Variants in CD58 observed in about 807,000 individuals in gnomAD.
CD58 encodes the protein CD58 molecule.
CD58 carries 14 observed loss-of-function variants against 27.6 expected under a neutral mutation model. The ratio of observed to expected loss-of-function variants is 0.51; its 90% CI spans 0.34 to 0.79. The LOEUF (loss-of-function observed/expected upper bound fraction) is 0.79. Among genes scored for constraint, CD58 ranks in the 30% least tolerant of loss-of-function variants. The probability of loss-of-function intolerance (pLI) is 0.02; values close to 1 mark genes in which losing one functional copy is unlikely to be tolerated. For missense variants in CD58, 268 were observed against 301.7 expected, an observed-to-expected ratio of 0.89 and a Z score of 0.83; for synonymous variants, 117 against 103.8, an observed-to-expected ratio of 1.13 and a Z score of -0.77.
At chr1:116,569,457 A>G (rs1345586453) in intron 1 of CD58, among the ~76,000 whole-genome samples, 1 of 152,076 alleles carries the variant, frequency 6.6e-6, no homozygotes, top group East Asian at 1.9e-4. Context: ...ATCTTTTCCC[A>G]CATTATCACA....
At chr1:116,569,281 T>C (rs571607590) in intron 1 of CD58, among the ~76,000 whole-genome samples, 2 of 152,324 alleles carry the variant, frequency 1.3e-5, no homozygotes, top group South Asian at 4.1e-4. Flanking sequence ...GTGATGGTAG[T>C]CCACCCTGGC....
rs2101246014 is a variant in CD58 at position 116,570,737 on chromosome 1, T to A, written c.70+166A>T. On this transcript the variant is annotated intron_variant, in intron 1 of 5. Transcript: ENST00000369489. This position sits in a 1 kb window ranked among gnomAD's most constrained non-coding sequence, Gnocchi z 6.4. ...GACACTGGCGATGAAATAACAACTT[T>A]CTCTTCCTGAAAAGGCTCCCACGGC... 6.6e-6 allele frequency among the ~76,000 whole-genome samples: 1 copy of A among 151,998 alleles called. No homozygotes were observed. The highest frequency in any genetic ancestry group is 1.5e-5 in the Non-Finnish European group (1 of 67,952).
chr1:116,533,118 C>T (rs749913860), intron 3 of CD58: 6 of 750,292 alleles, frequency 8.0e-6, no homozygotes, highest in South Asian at 2.8e-5. Flanking sequence ...GGTCCGCTCA[C>T]GGAAAAAGTG....
Position 116,570,985 on chromosome 1 carries a change from C to A in CD58, c.-13G>T, listed in dbSNP as rs1659127639. 6.5e-7 allele frequency: 1 copy of A among 1,539,996 alleles called. No homozygotes were observed. Among genetic ancestry groups the A allele is most frequent in the Non-Finnish European group, 8.7e-7 (1 of 1,149,946 alleles). ...TCCCAGCAACCATGGCTCGTCGGGC[C>A]GGCCTCTGCGCGAGTGCCCAGCCAC... On this transcript the variant is annotated 5_prime_UTR_variant, in exon 1 of 6. Transcript: ENST00000369489. This position sits in a 1 kb window ranked among gnomAD's most constrained non-coding sequence, Gnocchi z 6.4.
At position 116,557,137 on chromosome 1, in the gene CD58, G is replaced by T. The variant is rs1658593160; in HGVS notation, c.71-12533C>A. Among the ~76,000 whole-genome samples the T allele has an allele frequency of 6.6e-6, 1 of 152,158 alleles. No individual in the cohort carries two copies. The highest frequency in any genetic ancestry group is 6.5e-5 in the Admixed American group (1 of 15,282). On this transcript the variant is annotated intron_variant, in intron 1 of 5. Transcript: ENST00000369489. This position sits in a 1 kb window ranked among gnomAD's most constrained non-coding sequence, Gnocchi z 5.2. Reference sequence around the variant, plus strand: ...ATCTGTTGAATGAATTAACTAAAATGATTAAAATACAACTTAAATGTAGTT... The same window carrying T: ...ATCTGTTGAATGAATTAACTAAAATTATTAAAATACAACTTAAATGTAGTT...
At chr1:116,533,097 G>C in intron 3 of CD58, 1 of 745,380 alleles carries the variant, frequency 1.3e-6, no homozygotes, top group South Asian at 1.4e-5. Context: ...GCGAAGTACA[G>C]CACAGCCTGT....
At position 116,538,108 on chromosome 1, in the gene CD58, C is replaced by T. The variant is rs1351478132; in HGVS notation, c.365-1880G>A. On this transcript the variant is annotated intron_variant, in intron 2 of 5. Coordinates refer to ENST00000369489, the MANE Select transcript of CD58 (RefSeq NM_001779.3). The surrounding 1 kb of genome is among the most constrained non-coding windows in gnomAD (Gnocchi z 4.7). ...GAAACCAGAGTCACACACTGACTTC[C>T]CTTTCTACTTGGGGCTTCCTAGTTT... is the stretch of plus-strand genomic sequence containing the variant. Among the ~76,000 whole-genome samples the T allele has an allele frequency of 6.6e-6, 1 of 152,200 alleles. No individual in the cohort carries two copies.
At chr1:116,525,906 C>T (rs1657413055) in intron 3 of CD58, among the ~76,000 whole-genome samples, 1 of 152,212 alleles carries the variant, frequency 6.6e-6, no homozygotes, top group Non-Finnish European at 1.5e-5. Flanking sequence ...CTGCCTCGGC[C>T]TCCCAAAGTG....
At chr1:116,542,643 C>T (rs1658028054) in intron 2 of CD58, among the ~76,000 whole-genome samples, 1 of 152,140 alleles carries the variant, frequency 6.6e-6, no homozygotes, top group Non-Finnish European at 1.5e-5. Flanking sequence ...TTAAAATGAA[C>T]CATCAACTTA....
chr1:116,522,308 A>T lies in CD58; in HGVS notation c.629-325T>A, dbSNP rs902181142. 6.6e-6 allele frequency among the ~76,000 whole-genome samples: 1 copy of T among 152,180 alleles called. No homozygotes were observed. Among genetic ancestry groups the T allele is most frequent in the Non-Finnish European group, 1.5e-5 (1 of 68,024 alleles). ...GTGCTTTTTTGTTGGTGATTTCACTATTTTAAGTGGTCCCAAAGTATAGTG... is the reference window on the plus strand; with the variant it reads ...GTGCTTTTTTGTTGGTGATTTCACTTTTTTAAGTGGTCCCAAAGTATAGTG... On this transcript the variant is annotated intron_variant, in intron 3 of 5. Transcript: ENST00000369489. The surrounding 1 kb of genome is among the most constrained non-coding windows in gnomAD (Gnocchi z 4.6).
chr1:116,527,287 T>C lies in CD58; in HGVS notation c.629-5304A>G, dbSNP rs912725472. On this transcript the variant is annotated intron_variant, in intron 3 of 5. Coordinates refer to ENST00000369489, the MANE Select transcript of CD58 (RefSeq NM_001779.3). This position sits in a 1 kb window ranked among gnomAD's most constrained non-coding sequence, Gnocchi z 4.4. The stretch of plus-strand genomic sequence containing the variant: ...TTGGAAAGCTTCAAGTTTCTCACCA[T>C]TACAGATGATGTTAGCTGCAGGGTT... Among the ~76,000 whole-genome samples the C allele has an allele frequency of 6.6e-6, 1 of 152,244 alleles. No individual in the cohort carries two copies. Among genetic ancestry groups the C allele is most frequent in the Non-Finnish European group, 1.5e-5 (1 of 68,038 alleles).
chr1:116,543,326 T>C (rs1020589680), intron 2 of CD58, among the ~76,000 whole-genome samples: 4 of 151,174 alleles, frequency 2.6e-5, no homozygotes, highest in African/African-American at 9.7e-5. Context: ...ACACCTGACA[T>C]TGAGGTAATG....
chr1:116,525,657 G>A (rs539249382), intron 3 of CD58, among the ~76,000 whole-genome samples: 1 of 152,330 alleles, frequency 6.6e-6, no homozygotes, highest in African/African-American at 2.4e-5. Flanking sequence ...CACCTGCAAT[G>A]AATGAGAGTT....
In CD58 at chr1:116,523,053, G is replaced by T. The variant is rs555555895; in HGVS notation, c.629-1070C>A. On this transcript the variant is annotated intron_variant, in intron 3 of 5. Transcript: ENST00000369489. This position sits in a 1 kb window ranked among gnomAD's most constrained non-coding sequence, Gnocchi z 4.4. ...ACTGTCATTAACCTATTGAGTAGATGTTATTGGTATCTCTATTAATATCTT... is the reference window on the plus strand; with the variant it reads ...ACTGTCATTAACCTATTGAGTAGATTTTATTGGTATCTCTATTAATATCTT... Among the ~76,000 whole-genome samples the T allele has an allele frequency of 6.6e-6, 1 of 152,242 alleles. No individual in the cohort carries two copies. The highest frequency in any genetic ancestry group is 2.4e-5 in the African/African-American group (1 of 41,536).
intron 5 of CD58, chr1:116,518,983 G>A (rs1004345914): frequency 8.8e-6 from 9 of 1,023,680 alleles, no homozygotes; most frequent in African/African-American, 8.1e-5. Flanking sequence ...CTAAGCAAGG[G>A]GTATGATACT....
In CD58 at chr1:116,544,582, T is replaced by G. The variant is rs370260268; in HGVS notation, c.93A>C (p.Gln31His). 1.9e-5 allele frequency: 30 copies of G among 1,585,394 alleles called. No homozygotes were observed. The highest frequency in any genetic ancestry group is 2.5e-5 in the Non-Finnish European group (29 of 1,166,836). Residue 31 changes from glutamine to histidine, a missense_variant, in exon 2 of 6, where the codon CAA becomes CAC. Transcript: ENST00000369489. ...HCFGFISCFSQQIYGVVYGNV... is the reference protein window; with the variant it reads ...HCFGFISCFSHQIYGVVYGNV... ...TCCCATACACAACACCATATATTTGTTGGGAAAAACAGCTGATGAAACCTA... is the reference window on the plus strand; with the variant it reads ...TCCCATACACAACACCATATATTTGGTGGGAAAAACAGCTGATGAAACCTA...
intron 1 of CD58, among the ~76,000 whole-genome samples, chr1:116,547,370 G>T (rs1427111213): frequency 6.7e-6 from 1 of 148,992 alleles, no homozygotes; most frequent in Non-Finnish European, 1.5e-5. Flanking sequence ...TCTGTCCCCA[G>T]GCTGGAGTGC....
intron 3 of CD58, among the ~76,000 whole-genome samples, chr1:116,535,520 G>A (rs1442136330): frequency 6.6e-6 from 1 of 152,198 alleles, no homozygotes; most frequent in Non-Finnish European, 1.5e-5. Context: ...TGTTAGCTTT[G>A]TATCTATAAT....
chr1:116,567,301 G>A (rs1490591957), intron 1 of CD58, among the ~76,000 whole-genome samples: 1 of 140,012 alleles, frequency 7.1e-6, no homozygotes, highest in South Asian at 2.6e-4. Flanking sequence ...GAGGGAGGGA[G>A]AAGAAAGGGA....
Sources: gnomAD v4.1 joint callset for allele counts (sites outside exome capture counted in the v4.1 genomes callset) on GRCh38, gnomAD v4.1.1 for gene constraint, Gnocchi (gnomAD v3.1) non-coding constraint, MANE v1.5 for transcripts, NCBI Gene and HGNC (gene_info 2026-07-23, HGNC 2026-07-21) for gene names.